DMWD: variants seen among roughly 807,000 people sequenced by gnomAD.
The protein encoded by DMWD is dystrophia myotonica WD repeat-containing protein.
In DMWD, 19 loss-of-function variants were observed where a neutral mutation model predicts 45.8. The ratio of observed to expected loss-of-function variants is 0.41; its 90% CI spans 0.29 to 0.61. DMWD has a LOEUF of 0.61. Among genes scored for constraint, DMWD ranks in the 20% least tolerant of loss-of-function variants. The probability of loss-of-function intolerance (pLI) is 0.25; values close to 1 mark genes in which losing one functional copy is unlikely to be tolerated. For synonymous variants in DMWD, 515 were observed against 440.5 expected (o/e 1.17, Z -2.12); for missense variants, 802 against 965.2 (o/e 0.83, Z 2.24).
In DMWD at chr19:45,792,770, C is replaced by G; in HGVS notation, c.-14G>C. 8.9e-7 allele frequency: 1 copy of G among 1,118,774 alleles called. No homozygotes were observed. The highest frequency in any genetic ancestry group is 1.1e-6 in the Non-Finnish European group (1 of 916,050). The allele number at this position is 1,118,774 out of a possible 1,614,324, so 69.3% of individuals were successfully genotyped here. A position where few individuals can be genotyped will look rare whatever the true frequency, so the allele number is the denominator to read the frequency against. ...GCCCGCCGCCATCTTGGGCGCCCCC[C>G]GGGCCCCGCCACTGCCGGACTGCCG... On this transcript the variant is annotated 5_prime_UTR_variant, in exon 1 of 5. Transcript: ENST00000270223.
rs527334454 is a variant in DMWD, at chr19:45,786,119, G to T, written c.1377C>A (p.Thr459=). 30 of 1,538,940 alleles carry T rather than the reference G, an allele frequency of 1.9e-5. No homozygotes were observed. The African/African-American group carries it at 3.7e-4, about 19-fold the overall frequency. The part of the protein sequence containing the change: ...VLYPHPPLAR[T]RTLPGTPGTT... The stretch of plus-strand genomic sequence containing the variant: ...TGCCAGGTGTGCCAGGGAGGGTGCG[G>T]GTGCGGGCCAGGGGGGGGTGCGGGT... Residue 459 remains threonine, a synonymous_variant, in exon 3 of 5, where the codon ACC becomes ACA. Coordinates refer to ENST00000270223, the MANE Select transcript of DMWD (RefSeq NM_004943.2).
rs1188824741 is a variant in DMWD at position 45,783,393 on chromosome 19, CGAG to C, written c.*847_*849del. ...GCCTGAGAAACTAGGAGGCAAGGAC[CGAG>C]GAGTCCCAGCTGGGCAGGGCCTGGG... On this transcript the variant is annotated 3_prime_UTR_variant, in exon 5 of 5. Transcript: ENST00000270223. 2.5e-6 allele frequency: 1 copy of C among 393,724 alleles called. No individual in the cohort carries two copies. The highest frequency in any genetic ancestry group is 4.4e-5 in the Admixed American group (1 of 22,512). 24.4% of individuals were successfully genotyped at this position (393,724 alleles called of 1,614,324 possible). A position where few individuals can be genotyped will look rare whatever the true frequency, so the allele number is the denominator to read the frequency against.
chr19:45,792,639 C>A lies in DMWD; in HGVS notation c.118G>T (p.Gly40Cys). 7.5e-7 allele frequency: 1 copy of A among 1,334,166 alleles called. No individual in the cohort carries two copies. The allele number at this position is 1,334,166 out of a possible 1,614,324, so 82.6% of individuals were successfully genotyped here. A position where few individuals can be genotyped will look rare whatever the true frequency, so the allele number is the denominator to read the frequency against. ...EGFYKLLPGDGAARRSGPASA... is the reference protein window; with the variant it reads ...EGFYKLLPGDCAARRSGPASA... ...GCCGGACCCGACCTGCGAGCGGCGC[C>A]GTCGCCCGGGAGTAGCTTGTAGAAA... Residue 40 changes from glycine to cysteine, a missense_variant, in exon 1 of 5, where the codon GGC becomes TGC. This residue lies in a region of DMWD where 151 missense variants were observed against 128.1 expected (regional missense o/e 1.18). Transcript: ENST00000270223.
In DMWD at chr19:45,792,340, G is replaced by A. The variant is rs1356517054; in HGVS notation, c.417C>T (p.Gly139=). ...CCCGTTGGCTCCCACGACGACAGCA[G>A]CCTGGGTAGAAATAGAGCTCACGGC... is the stretch of plus-strand genomic sequence containing the variant. ...NLGRELYFYP[G]CCRRGSQRSI... is the part of the protein sequence containing the mutation. Residue 139 remains glycine, a synonymous_variant, in exon 1 of 5, where the codon GGC becomes GGT. Transcript: ENST00000270223. 1 of 1,611,440 alleles carries A rather than the reference G, an allele frequency of 6.2e-7. No homozygotes were observed. The highest frequency in any genetic ancestry group is 2.2e-5 in the East Asian group (1 of 44,590).
Position 45,785,692 on chromosome 19 carries a change from C to T in DMWD, c.1804G>A (p.Ala602Thr). 2.5e-6 allele frequency: 4 copies of T among 1,601,426 alleles called. No homozygotes were observed. Among genetic ancestry groups the T allele is most frequent in the Non-Finnish European group, 3.4e-6 (4 of 1,172,194 alleles). The change falls in exon 3 of 5, where the codon GCC becomes ACC. Residue 602 changes from alanine (A) to threonine (T), a missense_variant. Coordinates refer to ENST00000270223, the MANE Select transcript of DMWD (RefSeq NM_004943.2). The stretch of plus-strand genomic sequence containing the variant: ...AGGAGGACTGTGAGCCGCTCCTGGG[C>T]GATCTTCTTGCACACAAGGGGCTCC... ...LLEPLVCKKIAQERLTVLLFL... is the reference protein window; with the variant it reads ...LLEPLVCKKITQERLTVLLFL...
In DMWD at chr19:45,792,728, G is replaced by A. The variant is rs766488376; in HGVS notation, c.29C>T (p.Ser10Leu). Residue 10 changes from serine (S) to leucine (L), a missense_variant, in exon 1 of 5, where the codon TCG becomes TTG. This residue lies in a region of DMWD where 151 missense variants were observed against 128.1 expected (regional missense o/e 1.18). Transcript: ENST00000270223. MAAGGAEGG[S>L]GPGAAMGDCA... ...GTCCCCCATGGCGGCGCCGGGGCCC[G>A]AGCCGCCCTCCGCGCCGCCCGCCGC... The A allele has an allele frequency of 1.8e-4, 217 of 1,173,486 alleles. No individual in the cohort carries two copies. The highest frequency in any genetic ancestry group is 1.5e-4 in the Non-Finnish European group (146 of 943,110). 72.7% of individuals were successfully genotyped at this position (1,173,486 alleles called of 1,614,324 possible). A position where few individuals can be genotyped will look rare whatever the true frequency, so the allele number is the denominator to read the frequency against.
intron 2 of DMWD, 186 bp from the exon 3 acceptor site, chr19:45,787,057 T>C (rs907626697): frequency 3.4e-5 from 37 of 1,085,254 alleles, no homozygotes; most frequent in Non-Finnish European, 4.8e-5. Flanking sequence ...CACCAGGTCA[T>C]GGAAACATGG....
Position 45,785,812 on chromosome 19 carries a change from C to T in DMWD, c.1684G>A (p.Glu562Lys). Residue 562 changes from glutamate to lysine, a missense_variant, in exon 3 of 5, where the codon GAG becomes AAG. By Grantham distance (56) the Glu-to-Lys change is moderately conservative. This residue lies in a region of DMWD where 303 missense variants were observed against 332.9 expected (regional missense o/e 0.91). Transcript: ENST00000270223. The part of the protein sequence containing the change: ...GGSGGSGSGG[E>K]KPSGPVPRSR... ...CGGGGAACAGGGCCGCTGGGCTTCT[C>T]CCCACCACTGCCACTGCCGCCACTG... is the stretch of plus-strand genomic sequence containing the variant. 1 of 1,611,626 alleles carries T rather than the reference C, an allele frequency of 6.2e-7. No homozygotes were observed. The highest frequency in any genetic ancestry group is 8.5e-7 in the Non-Finnish European group (1 of 1,179,666).
chr19:45,786,860 G>A lies in DMWD; in HGVS notation c.636C>T (p.Asp212=). 1.2e-6 allele frequency: 2 copies of A among 1,613,742 alleles called. No individual in the cohort carries two copies. The highest frequency in any genetic ancestry group is 1.7e-6 in the Non-Finnish European group (2 of 1,179,906). Residue 212 remains aspartate (D), a synonymous_variant, in exon 3 of 5, where the codon GAC becomes GAT. Coordinates refer to ENST00000270223, the MANE Select transcript of DMWD (RefSeq NM_004943.2). ...SKLFNEERLI[D]KTKVTYLKWL... ...ACTTCAGATATGTCACCTTGGTCTT[G>A]TCGATCAACCGCTGCCAGGGGAGAC... is the stretch of plus-strand genomic sequence containing the variant.
intron 1 of DMWD, among the ~76,000 whole-genome samples, chr19:45,792,001 G>A (rs750107130): frequency 4.6e-5 from 7 of 152,140 alleles, no homozygotes; most frequent in Non-Finnish European, 8.8e-5. Flanking sequence ...CAGAATGCCT[G>A]CCACCCCAGA....
chr19:45,790,998 G>C lies in DMWD; in HGVS notation c.531C>G (p.Thr177=), dbSNP rs763669029. 9.3e-6 allele frequency: 15 copies of C among 1,614,100 alleles called. No individual in the cohort carries two copies. The highest frequency in any genetic ancestry group is 1.3e-5 in the African/African-American group (1 of 75,026). The change falls in exon 2 of 5, where the codon ACC becomes ACG. Residue 177 remains threonine, a synonymous_variant. Coordinates refer to ENST00000270223, the MANE Select transcript of DMWD (RefSeq NM_004943.2). The part of the protein sequence containing the change: ...CHDFNQFTAA[T]ETISLLVGFS... ...AGCCCACCAGCAGCGAGATGGTCTC[G>C]GTGGCAGCAGTGAACTGGTTGAAAT...
intron 3 of DMWD, chr19:45,785,349 G>A (rs1600461538): frequency 1.6e-6 from 2 of 1,232,338 alleles, no homozygotes; most frequent in East Asian, 6.6e-5. Context: ...GCCAGCCTTG[G>A]ATGCCCCAAT....
At chr19:45,784,317 G>A (rs927001595) in intron 4 of DMWD, 27 bp from the exon 5 acceptor site, 2 of 1,502,760 alleles carry the variant, frequency 1.3e-6, no homozygotes, top group Non-Finnish European at 8.9e-7. Flanking sequence ...GGAGAGATGG[G>A]AGGGGTTAGA....
chr19:45,788,899 A>T (rs976031589), intron 2 of DMWD, among the ~76,000 whole-genome samples: 3 of 151,524 alleles, frequency 2.0e-5, no homozygotes, highest in African/African-American at 7.3e-5. Context: ...ACTGCACTCC[A>T]GCATGGACGA....
Position 45,786,251 on chromosome 19 carries a change from GC to G in DMWD, c.1244del (p.Gly415AlafsTer244). On this transcript the variant is annotated frameshift_variant, in exon 3 of 5. Transcript: ENST00000270223. LOFTEE classifies it high-confidence loss of function. ...PEAAGTGSAG[G>X]APLSPLPKAG... ...CCTTGGGCAGTGGAGAGAGCGGGGC[GC>G]CCCCGGCCGAGCCTGTGCCCGCAGC... 3 of 1,606,524 alleles carry G rather than the reference GC, an allele frequency of 1.9e-6. No individual in the cohort carries two copies. Among genetic ancestry groups the G allele is most frequent in the Non-Finnish European group, 2.6e-6 (3 of 1,175,574 alleles).
intron 2 of DMWD, 80 bp downstream of exon 2, chr19:45,790,825 C>A (rs1424152120): frequency 1.3e-6 from 2 of 1,500,812 alleles, no homozygotes; most frequent in Admixed American, 2.0e-5. Context: ...TACACTGTTC[C>A]GCAGGCAGCT....
At chr19:45,786,929 TC>T (rs1970288000) in intron 2 of DMWD, 58 bp from the exon 3 acceptor site, 1 of 1,554,194 alleles carries the variant, frequency 6.4e-7, no homozygotes, top group African/African-American at 1.4e-5. Context: ...GCAGAACTTC[TC>T]CCCGACCCAA....
At chr19:45,788,655 G>A (rs549897030) in intron 2 of DMWD, among the ~76,000 whole-genome samples, 32 of 152,330 alleles carry the variant, frequency 2.1e-4, no homozygotes, top group East Asian at 1.9e-3. Context: ...TTGGCTGGGT[G>A]TGATGGCTCA....
At chr19:45,788,371 C>A (rs950834536) in intron 2 of DMWD, among the ~76,000 whole-genome samples, 1 of 152,232 alleles carries the variant, frequency 6.6e-6, no homozygotes, top group East Asian at 1.9e-4. Flanking sequence ...TGAGGTGCCT[C>A]CCATCCCTGG....
Sources: gnomAD v4.1 joint callset for allele counts (sites outside exome capture counted in the v4.1 genomes callset) on GRCh38, gnomAD v4.1.1 for gene constraint, gnomAD v4.1.1 regional missense constraint, MANE v1.5 for transcripts, NCBI Gene and HGNC (gene_info 2026-07-23, HGNC 2026-07-21) for gene names.